The following PDE10A variants were observed in gnomAD, a reference collection of about 807,000 sequenced individuals.
The protein encoded by PDE10A is cAMP and cAMP-inhibited cGMP 3',5'-cyclic phosphodiesterase 10A.
A neutral mutation model predicts 97.7 loss-of-function variants in PDE10A; 39 were observed. The ratio of observed to expected loss-of-function variants is 0.40; its 90% CI spans 0.31 to 0.52. The LOEUF is 0.52. PDE10A is among the 20% of genes least tolerant of loss of function. PDE10A has a pLI of 0.56. For synonymous variants in PDE10A, 371 were observed against 376.8 expected, an observed-to-expected ratio of 0.98 and a Z score of 0.18; for missense variants, 731 against 1,047.8, an observed-to-expected ratio of 0.70 and a Z score of 4.17.
chr6:165,729,193 C>A (rs1018985579), intron 1 of PDE10A, among the ~76,000 whole-genome samples: 1 of 141,844 alleles, frequency 7.1e-6, no homozygotes, highest in African/African-American at 2.5e-5. Context: ...CAGAGGGAGA[C>A]TCCATCTCAA....
chr6:165,395,198 C>A lies in PDE10A; in HGVS notation c.2286G>T (p.Arg762=). 6.2e-7 allele frequency: 1 copy of A among 1,612,022 alleles called. No homozygotes were observed. The highest frequency in any genetic ancestry group is 8.5e-7 in the Non-Finnish European group (1 of 1,178,348). The change falls in exon 15 of 22, where the codon CGG becomes CGT. Residue 762 remains arginine, a synonymous_variant. Transcript: ENST00000539869. The part of the protein sequence containing the change: ...WPGIFVYMVH[R]SCGTSCFELE... ...ATTCATACCAGGATGTCCCACAGGA[C>A]CGATGAACCATGTAGACAAAAATTC...
intron 18 of PDE10A, among the ~76,000 whole-genome samples, chr6:165,346,625 C>G (rs1782327703): frequency 6.6e-6 from 1 of 152,050 alleles, no homozygotes; most frequent in Non-Finnish European, 1.5e-5. Flanking sequence ...AGAACTTTAC[C>G]AAAGGAAGGC....
chr6:165,967,505 A>C (rs1784547052), intron 1 of PDE10A, among the ~76,000 whole-genome samples: 1 of 152,258 alleles, frequency 6.6e-6, no homozygotes, highest in South Asian at 2.1e-4. Context: ...GTCTCAAAAA[A>C]AAATTTGTTT....
chr6:165,724,696 A>G (rs2128449340), intron 1 of PDE10A, among the ~76,000 whole-genome samples: 1 of 152,380 alleles, frequency 6.6e-6, no homozygotes, highest in Admixed American at 6.5e-5. Context: ...TTTCCCAGAA[A>G]TGACTATAAT....
intron 1 of PDE10A, among the ~76,000 whole-genome samples, chr6:165,903,186 G>T (rs78776944): frequency 2.2e-4 from 34 of 152,232 alleles, no homozygotes; most frequent in Admixed American, 7.2e-4. Flanking sequence ...ATTTTGTAAG[G>T]GTTCGAATTT....
At chr6:165,869,189 T>C (rs1781133916) in intron 1 of PDE10A, among the ~76,000 whole-genome samples, 1 of 151,978 alleles carries the variant, frequency 6.6e-6, no homozygotes, top group South Asian at 2.1e-4. Context: ...TGATCTTATA[T>C]AGAGAAAAAC....
Position 165,879,762 on chromosome 6 carries a change from G to A in PDE10A, c.-615+107767C>T, listed in dbSNP as rs182686730. Reference sequence around the variant, plus strand: ...TGTGAAAGCAGTTGTTATATTTACCGTTTTATTTATATGATTTTTTTGTCA... The same window carrying A: ...TGTGAAAGCAGTTGTTATATTTACCATTTTATTTATATGATTTTTTTGTCA... On this transcript the variant is annotated intron_variant, in intron 1 of 19. Transcript: ENST00000366882. 3.2e-4 allele frequency among the ~76,000 whole-genome samples: 49 copies of A among 152,214 alleles called. 2 individuals are homozygous for A. Among genetic ancestry groups the A allele is most frequent in the Admixed American group, 2.5e-3 (38 of 15,288 alleles).
rs1781141394 is a variant in PDE10A, at chr6:165,328,025, T to C, written c.*5000A>G. 1.3e-5 allele frequency: 2 copies of C among 152,230 alleles called. No homozygotes were observed. Among genetic ancestry groups the C allele is most frequent in the Non-Finnish European group, 2.9e-5 (2 of 68,038 alleles). 9.4% of individuals were successfully genotyped at this position (152,230 alleles called of 1,614,324 possible). ...CTTGTCTTCTCAGAAAGAATGAAGA[T>C]GCTGCATTTGTACAAATTTTGGTAA... is the stretch of plus-strand genomic sequence containing the variant. On this transcript the variant is annotated 3_prime_UTR_variant, in exon 22 of 22. Coordinates refer to ENST00000539869, the MANE Select transcript of PDE10A (RefSeq NM_001385079.1).
At chr6:165,565,105 T>C (rs534417202) in intron 1 of PDE10A, among the ~76,000 whole-genome samples, 48 of 152,170 alleles carry the variant, frequency 3.2e-4, no homozygotes, top group Non-Finnish European at 6.3e-4. Context: ...TCTTAGCTAA[T>C]GCAATAAGAC....
chr6:165,640,371 T>C (rs1214311813), intron 1 of PDE10A, among the ~76,000 whole-genome samples: 3 of 152,232 alleles, frequency 2.0e-5, no homozygotes, highest in Non-Finnish European at 4.4e-5. Flanking sequence ...AACAGGTATA[T>C]TAAACAAGTA....
At chr6:165,616,051 T>C (rs1428693739) in intron 1 of PDE10A, among the ~76,000 whole-genome samples, 1 of 152,258 alleles carries the variant, frequency 6.6e-6, no homozygotes, top group Non-Finnish European at 1.5e-5. Flanking sequence ...TTGCAAGTAC[T>C]GACTTCCCAG....
At chr6:165,619,872 T>C (rs62424869) in intron 1 of PDE10A, among the ~76,000 whole-genome samples, 45,445 of 151,920 alleles carry the variant, frequency 0.3, 7,794 homozygotes, top group African/African-American at 0.48. Context: ...TGCTTCCACT[T>C]GCTGCCATTT....
intron 1 of PDE10A, among the ~76,000 whole-genome samples, chr6:165,970,486 T>C (rs916801919): frequency 6.6e-6 from 1 of 151,640 alleles, no homozygotes; most frequent in African/African-American, 2.4e-5. Context: ...TTATATAAGT[T>C]TGAGATCATT....
At chr6:165,597,070 G>A (rs1376210631) in intron 1 of PDE10A, among the ~76,000 whole-genome samples, 4 of 151,852 alleles carry the variant, frequency 2.6e-5, no homozygotes, top group East Asian at 1.9e-4. Flanking sequence ...TCTCCATAGT[G>A]CTTATCAACA....
intron 3 of PDE10A, among the ~76,000 whole-genome samples, chr6:165,457,653 C>G (rs764662626): frequency 3.3e-5 from 5 of 152,144 alleles, no homozygotes; most frequent in Non-Finnish European, 7.3e-5. Flanking sequence ...CTGAGTTACT[C>G]TTGTACATTT....
At chr6:165,678,102 T>C (rs1260872781) in intron 1 of PDE10A, among the ~76,000 whole-genome samples, 7 of 150,582 alleles carry the variant, frequency 4.6e-5, no homozygotes, top group East Asian at 2.0e-4. Context: ...TTAATATGTG[T>C]ATGTATTTGT....
intron 10 of PDE10A, among the ~76,000 whole-genome samples, chr6:165,419,774 C>G (rs1012247168): frequency 6.6e-6 from 1 of 152,070 alleles, no homozygotes; most frequent in Non-Finnish European, 1.5e-5. Flanking sequence ...AATTATTCCT[C>G]GGAGAAAAAG....
In PDE10A at chr6:165,460,721, A is replaced by G. The variant is rs532321660; in HGVS notation, c.1024-10359T>C. ...ACAACCTGGGACTATTCAACCAATT[A>G]TAACTTCTGCACCTATAAATTTATG... On this transcript the variant is annotated intron_variant, in intron 3 of 21. Transcript: ENST00000539869. Among the ~76,000 whole-genome samples, 8 of 152,328 alleles carry G rather than the reference A, an allele frequency of 5.3e-5. No individual in the cohort carries two copies. The East Asian group carries it at 1.3e-3, about 26-fold the overall frequency.
At chr6:165,488,025 T>A (rs1780016566) in intron 2 of PDE10A, among the ~76,000 whole-genome samples, 2 of 98,852 alleles carry the variant, frequency 2.0e-5, no homozygotes, top group East Asian at 2.6e-4. Context: ...GAGGAACAAA[T>A]TGGCAAAAAA....
Sources: allele counts gnomAD v4.1 joint callset (sites outside exome capture counted in the v4.1 genomes callset), GRCh38; gene constraint gnomAD v4.1.1; transcripts MANE v1.5; gene names NCBI Gene and HGNC (gene_info 2026-07-23, HGNC 2026-07-21).